Variants in NRF1 observed in about 807,000 individuals in gnomAD.
NRF1 encodes the protein nuclear respiratory factor 1, also known as alpha palindromic-binding protein.
Under a neutral mutation model 58.5 loss-of-function variants are expected in NRF1, and 5 were observed. That is an observed-to-expected ratio of 0.09 (90% confidence interval 0.04 to 0.18). NRF1 has a LOEUF of 0.18. NRF1 is among the 10% of genes least tolerant of loss of function. The probability of loss-of-function intolerance (pLI) is 1.00; values close to 1 mark genes in which losing one functional copy is unlikely to be tolerated. For missense variants in NRF1, 288 were observed against 657.7 expected (o/e 0.44, Z 6.15); for synonymous variants, 224 against 246.7 (o/e 0.91, Z 0.86).
intron 2 of NRF1, among the ~76,000 whole-genome samples, chr7:129,665,448 G>A (rs538228984): frequency 1.9e-4 from 29 of 152,182 alleles, no homozygotes; most frequent in African/African-American, 4.8e-4. Flanking sequence ...TGTGTTGCCT[G>A]TCAGAAACAC....
chr7:129,646,792 A>C (rs898554048), intron 1 of NRF1, among the ~76,000 whole-genome samples: 2 of 152,230 alleles, frequency 1.3e-5, no homozygotes, highest in African/African-American at 4.8e-5. Context: ...CCCCAGAGCG[A>C]GGAATAGTGC....
rs970331623 is a variant in NRF1, at chr7:129,717,040, A to T, written c.1066-179A>T. On this transcript the variant is annotated intron_variant, in intron 8 of 10. Transcript: ENST00000393232. ...CAAGCAAATTCAGGTATATATTCTA[A>T]TACCCCCTTTTTTATGCAAAAGGTA... Among the ~76,000 whole-genome samples the T allele has an allele frequency of 5.7e-4, 86 of 152,140 alleles. 1 individual carries two copies. The highest frequency in any genetic ancestry group is 1.5e-4 in the Non-Finnish European group (10 of 68,014).
chr7:129,690,824 A>C (rs974656505), intron 5 of NRF1, among the ~76,000 whole-genome samples: 1 of 152,100 alleles, frequency 6.6e-6, no homozygotes, highest in African/African-American at 2.4e-5. Flanking sequence ...AAACAAAAAA[A>C]CTTTTAGCTT....
chr7:129,701,520 G>T (rs768341835), intron 5 of NRF1, among the ~76,000 whole-genome samples: 1 of 151,402 alleles, frequency 6.6e-6, no homozygotes, highest in Non-Finnish European at 1.5e-5. Context: ...ACTTGAACCC[G>T]GGAGGTGGAG....
At chr7:129,687,356 A>G (rs1584641091) in intron 4 of NRF1, among the ~76,000 whole-genome samples, 2 of 150,212 alleles carry the variant, frequency 1.3e-5, no homozygotes. Context: ...GCTCACTGCA[A>G]CCTCCACCTC....
chr7:129,710,731 A>C (rs990507198), intron 7 of NRF1, among the ~76,000 whole-genome samples, 160 bp downstream of exon 7: 8 of 152,180 alleles, frequency 5.3e-5, no homozygotes, highest in African/African-American at 1.9e-4. Flanking sequence ...AGAATAGTTT[A>C]AATTCTTTGC....
At chr7:129,692,096 G>C (rs1311422120) in intron 5 of NRF1, among the ~76,000 whole-genome samples, 1 of 151,884 alleles carries the variant, frequency 6.6e-6, no homozygotes, top group Non-Finnish European at 1.5e-5. Flanking sequence ...ACATTCCCCT[G>C]CCACCCTCCC....
intron 2 of NRF1, among the ~76,000 whole-genome samples, chr7:129,670,377 AT>A (rs1189748714): frequency 2.0e-5 from 3 of 152,166 alleles, no homozygotes; most frequent in Admixed American, 2.0e-4. Context: ...CAGCCATAAA[AT>A]TTTTTCTGTA....
chr7:129,748,274 CAAAA>C (rs10655886), intron 10 of NRF1, among the ~76,000 whole-genome samples: 7 of 78,066 alleles, frequency 9.0e-5, no homozygotes, highest in Admixed American at 3.2e-4. Context: ...GACTCCGTCT[CAAAA>C]AAAAAAAAAA....
chr7:129,744,972 A>G (rs1468743032), intron 10 of NRF1, among the ~76,000 whole-genome samples: 4 of 151,822 alleles, frequency 2.6e-5, no homozygotes, highest in Admixed American at 6.6e-5. Flanking sequence ...CCTGGTGCCT[A>G]TTTGACATTT....
intron 3 of NRF1, 82 bp from the exon 4 acceptor site, chr7:129,677,550 C>A: frequency 7.7e-7 from 1 of 1,290,430 alleles, no homozygotes; most frequent in Non-Finnish European, 1.1e-6. Context: ...TCAGAATAAA[C>A]TGTCTTACCT....
At chr7:129,645,006 A>G (rs1265599703) in intron 1 of NRF1, among the ~76,000 whole-genome samples, 1 of 152,070 alleles carries the variant, frequency 6.6e-6, no homozygotes, top group Non-Finnish European at 1.5e-5. Flanking sequence ...TGTATGGTCA[A>G]AATTCCTAAT....
At chr7:129,691,195 C>T (rs1291300125) in intron 5 of NRF1, among the ~76,000 whole-genome samples, 1 of 151,144 alleles carries the variant, frequency 6.6e-6, no homozygotes, top group African/African-American at 2.4e-5. Flanking sequence ...GCCTGATTTC[C>T]TCTTCCTTTA....
chr7:129,703,484 C>A (rs1032346906), intron 5 of NRF1, among the ~76,000 whole-genome samples: 1 of 152,186 alleles, frequency 6.6e-6, no homozygotes, highest in Non-Finnish European at 1.5e-5. Flanking sequence ...TCATTTGACT[C>A]TTCCTGTACT....
At chr7:129,677,862 C>G (rs1188443450) in intron 4 of NRF1, 104 bp downstream of exon 4, 3 of 1,390,714 alleles carry the variant, frequency 2.2e-6, no homozygotes, top group East Asian at 4.6e-5. Context: ...TCTGTTACCC[C>G]CTAATCCAGG....
intron 1 of NRF1, among the ~76,000 whole-genome samples, chr7:129,631,435 G>A (rs192938374): frequency 1.8e-4 from 27 of 152,076 alleles, no homozygotes; most frequent in Admixed American, 1.4e-3. Flanking sequence ...GCCAAGGCTG[G>A]TTTTAAATTT....
intron 1 of NRF1, among the ~76,000 whole-genome samples, chr7:129,644,280 G>A (rs111282124): frequency 6.6e-6 from 1 of 152,218 alleles, no homozygotes; most frequent in African/African-American, 2.4e-5. Flanking sequence ...TAGGTAGGTA[G>A]GGTCATCTAT....
chr7:129,725,397 G>A (rs192048136), intron 9 of NRF1, among the ~76,000 whole-genome samples: 239 of 143,960 alleles, frequency 1.7e-3, no homozygotes, highest in African/African-American at 5.8e-3. Context: ...GCATGATATC[G>A]GCCCACTGCA....
At chr7:129,706,886 A>G (rs1013500071) in intron 5 of NRF1, among the ~76,000 whole-genome samples, 1 of 152,200 alleles carries the variant, frequency 6.6e-6, no homozygotes, top group African/African-American at 2.4e-5. Flanking sequence ...CTGTCAGTCT[A>G]GTATTCTCCA....
Sources: allele counts gnomAD v4.1 joint callset (sites outside exome capture counted in the v4.1 genomes callset), GRCh38; gene constraint gnomAD v4.1.1; transcripts MANE v1.5; gene names NCBI Gene and HGNC (gene_info 2026-07-23, HGNC 2026-07-21).